SYNPO2: variants seen among roughly 807,000 people sequenced by gnomAD.
SYNPO2 encodes synaptopodin 2.
SYNPO2 carries 56 observed loss-of-function variants against 85.0 expected under a neutral mutation model. The ratio of observed to expected loss-of-function variants is 0.66; its 90% CI spans 0.53 to 0.82. The LOEUF is 0.82. SYNPO2 is among the 40% of genes least tolerant of loss of function. SYNPO2 has a pLI of 0.00. For synonymous variants in SYNPO2, 602 were observed against 591.1 expected (o/e 1.02, Z -0.27); for missense variants, 1,575 against 1,534.2 (o/e 1.03, Z -0.44).
chr4:118,990,999 GCCAACA>G (rs986975155), intron 1 of SYNPO2, among the ~76,000 whole-genome samples: 1 of 152,150 alleles, frequency 6.6e-6, no homozygotes, highest in Non-Finnish European at 1.5e-5. Context: ...CCTGAACTGG[GCCAACA>G]GGCCCTTCCA....
chr4:118,865,353 A>T (rs1731682709), intron 1 of SYNPO2, among the ~76,000 whole-genome samples: 1 of 152,264 alleles, frequency 6.6e-6, no homozygotes, highest in Admixed American at 6.5e-5. Context: ...CAAAGCAGAA[A>T]GGCGATTTGA....
intron 1 of SYNPO2, among the ~76,000 whole-genome samples, chr4:118,985,011 T>C (rs1736165525): frequency 6.6e-6 from 1 of 152,186 alleles, no homozygotes; most frequent in Non-Finnish European, 1.5e-5. Context: ...GGTCAATGCT[T>C]CTCCTAGTGT....
intron 1 of SYNPO2, among the ~76,000 whole-genome samples, chr4:118,866,899 T>G (rs1441523824): frequency 2.0e-5 from 3 of 152,190 alleles, no homozygotes; most frequent in African/African-American, 7.2e-5. Context: ...GGTAGTTCTT[T>G]ATAGCTGTGT....
At chr4:119,035,496 G>GTTAAA (rs1406345893) in intron 4 of SYNPO2, 14 of 985,278 alleles carry the variant, frequency 1.4e-5, no homozygotes, top group Non-Finnish European at 1.6e-5. Context: ...TACCTTGTTA[G>GTTAAA]GAACGTGTTT....
chr4:118,940,936 C>G (rs1388326597), intron 1 of SYNPO2, among the ~76,000 whole-genome samples: 3 of 152,180 alleles, frequency 2.0e-5, no homozygotes, highest in African/African-American at 7.2e-5. Context: ...TCATTCAGCT[C>G]CCTCTTTCAG....
At chr4:118,966,644 T>A (rs886612357) in intron 1 of SYNPO2, among the ~76,000 whole-genome samples, 13 of 152,172 alleles carry the variant, frequency 8.5e-5, no homozygotes, top group Middle Eastern at 3.2e-3. Context: ...GTATCATATA[T>A]ATAACATATA....
At position 119,041,058 on chromosome 4, in the gene SYNPO2, T is replaced by G. The variant is rs185241662; in HGVS notation, c.3252+9031T>G. Among the ~76,000 whole-genome samples, 3 of 152,338 alleles carry G rather than the reference T, an allele frequency of 2.0e-5. No homozygotes were observed. The East Asian group carries it at 5.8e-4, about 29-fold the overall frequency. On this transcript the variant is annotated intron_variant, in intron 4 of 4. Coordinates refer to ENST00000307142, the MANE Select transcript of SYNPO2 (RefSeq NM_133477.3). ...CACTGACATAGGGAGGAACTTAATA[T>G]TCCAGCTGCCTTTCAAACCCAGGGA...
intron 1 of SYNPO2, among the ~76,000 whole-genome samples, chr4:118,962,749 C>T (rs1735155284): frequency 6.6e-6 from 1 of 152,184 alleles, no homozygotes. Context: ...TCCAGTCCTG[C>T]TTCCATGTTT....
Position 119,031,964 on chromosome 4 carries a change from A to C in SYNPO2, c.3189A>C (p.Ser1063=), listed in dbSNP as rs1738293911. Residue 1063 remains serine (S), a synonymous_variant, in exon 4 of 5, where the codon TCA becomes TCC. Transcript: ENST00000307142. ...CCTCGCCAAAGCAAGAATCAGCCTCATCATCTTATTTTGTGGCACCAAGGC... is the reference window on the plus strand; with the variant it reads ...CCTCGCCAAAGCAAGAATCAGCCTCCTCATCTTATTTTGTGGCACCAAGGC... ...IPTSPKQESA[S]SSYFVAPRPK... The C allele has an allele frequency of 2.5e-6, 4 of 1,614,120 alleles. No homozygotes were observed. The African/African-American group carries it at 5.3e-5, about 22-fold the overall frequency.
chr4:119,037,751 T>G, intron 4 of SYNPO2: 1 of 630,454 alleles, frequency 1.6e-6, no homozygotes, highest in Non-Finnish European at 2.0e-6. Context: ...TGGGCCCTGA[T>G]TTGTGCTGAG....
intron 1 of SYNPO2, among the ~76,000 whole-genome samples, chr4:118,918,684 G>A (rs1035058305): frequency 6.6e-6 from 1 of 152,138 alleles, no homozygotes; most frequent in African/African-American, 2.4e-5. Context: ...TTTACAGATT[G>A]CGTTTACTTA....
chr4:118,907,041 C>T (rs549044056), intron 1 of SYNPO2, among the ~76,000 whole-genome samples: 6 of 151,910 alleles, frequency 3.9e-5, no homozygotes, highest in Non-Finnish European at 1.5e-5. Context: ...TCTTGAAATC[C>T]TAGTTTCAAG....
intron 1 of SYNPO2, among the ~76,000 whole-genome samples, chr4:118,953,396 G>A (rs1025166015): frequency 9.2e-5 from 14 of 152,104 alleles, no homozygotes; most frequent in Admixed American, 8.5e-4. Context: ...CCCTGAGCAG[G>A]GCAGTGATGA....
At chr4:118,856,149 C>T (rs1731501227) in intron 1 of SYNPO2, among the ~76,000 whole-genome samples, 2 of 152,122 alleles carry the variant, frequency 1.3e-5, no homozygotes, top group Admixed American at 1.3e-4. Context: ...GGGTAGGAGC[C>T]ATATATATTT....
intron 1 of SYNPO2, among the ~76,000 whole-genome samples, chr4:118,922,058 A>G (rs758846562): frequency 4.6e-5 from 7 of 152,102 alleles, no homozygotes; most frequent in Admixed American, 2.6e-4. Flanking sequence ...TATCCTGTTC[A>G]TCTTTATATC....
intron 4 of SYNPO2, among the ~76,000 whole-genome samples, chr4:119,040,235 T>C (rs1158814174): frequency 6.6e-6 from 1 of 152,214 alleles, no homozygotes; most frequent in Non-Finnish European, 1.5e-5. Flanking sequence ...GAAAACACAA[T>C]TAAACAAGTT....
At chr4:118,961,272 C>T (rs868666775) in intron 1 of SYNPO2, among the ~76,000 whole-genome samples, 8 of 152,102 alleles carry the variant, frequency 5.3e-5, no homozygotes, top group Middle Eastern at 3.4e-3. Flanking sequence ...TCACTAGTGC[C>T]GAGGATGAGA....
chr4:119,035,819 C>CAAAAA (rs5861408), intron 4 of SYNPO2: 8 of 935,936 alleles, frequency 8.5e-6, no homozygotes, highest in Non-Finnish European at 1.0e-5. Flanking sequence ...CTGAGATGTC[C>CAAAAA]AAAAAAAAAA....
chr4:118,870,969 C>A (rs1377139900), intron 1 of SYNPO2, among the ~76,000 whole-genome samples: 4 of 152,164 alleles, frequency 2.6e-5, no homozygotes. Context: ...AGGAGAATAT[C>A]AAGGTTCAGA....
Sources: gnomAD v4.1 joint callset for allele counts (sites outside exome capture counted in the v4.1 genomes callset) on GRCh38, gnomAD v4.1.1 for gene constraint, MANE v1.5 for transcripts, NCBI Gene and HGNC (gene_info 2026-07-23, HGNC 2026-07-21) for gene names.